Variants in PIK3C2A observed in about 807,000 individuals in gnomAD.
PIK3C2A encodes phosphatidylinositol-4-phosphate 3-kinase catalytic subunit type 2 alpha, also known as phosphatidylinositol 4-phosphate 3-kinase C2 domain-containing subunit alpha.
Under a neutral mutation model 204.5 loss-of-function variants are expected in PIK3C2A, and 97 were observed. The ratio of observed to expected loss-of-function variants is 0.47; its 90% CI spans 0.40 to 0.56. PIK3C2A has a LOEUF of 0.56. PIK3C2A is among the 20% of genes least tolerant of loss of function. The pLI is 0.00. For missense variants in PIK3C2A, 1,735 were observed against 1,969.2 expected (o/e 0.88, Z 2.25); for synonymous variants, 653 against 664.4 (o/e 0.98, Z 0.26).
At chr11:17,171,877 G>T (rs545869797) in intron 1 of PIK3C2A, among the ~76,000 whole-genome samples, 2 of 152,250 alleles carry the variant, frequency 1.3e-5, no homozygotes, top group East Asian at 3.9e-4. Context: ...GGGATTACAG[G>T]CATGATCCAC....
chr11:17,111,738 G>A (rs1590918860), intron 21 of PIK3C2A, among the ~76,000 whole-genome samples: 1 of 151,660 alleles, frequency 6.6e-6, no homozygotes, highest in Non-Finnish European at 1.5e-5. Context: ...TTAGTTGGAC[G>A]TGGTGGCACG....
chr11:17,125,199 C>T (rs1849483841), intron 13 of PIK3C2A, among the ~76,000 whole-genome samples: 1 of 152,060 alleles, frequency 6.6e-6, no homozygotes. Flanking sequence ...ACAAAAAAGG[C>T]GGCACTGATG....
intron 2 of PIK3C2A, among the ~76,000 whole-genome samples, chr11:17,160,196 A>G (rs778092495): frequency 1.3e-5 from 2 of 152,216 alleles, no homozygotes; most frequent in Non-Finnish European, 2.9e-5. Flanking sequence ...AGTAGCTTTC[A>G]ATTTAAGTAA....
chr11:17,129,852 G>T (rs1849640742), intron 12 of PIK3C2A, among the ~76,000 whole-genome samples: 1 of 152,192 alleles, frequency 6.6e-6, no homozygotes, highest in African/African-American at 2.4e-5. Flanking sequence ...CTCCCAAAGT[G>T]CTAGGATTAC....
intron 8 of PIK3C2A, among the ~76,000 whole-genome samples, chr11:17,140,559 T>C (rs1850030149): frequency 1.3e-5 from 2 of 152,096 alleles, no homozygotes; most frequent in South Asian, 4.1e-4. Flanking sequence ...TGTAAAAAAC[T>C]ACATAGTACA....
At chr11:17,119,640 G>A (rs1849310381) in intron 16 of PIK3C2A, 146 bp downstream of exon 16, 2 of 552,444 alleles carry the variant, frequency 3.6e-6, no homozygotes, top group African/African-American at 2.0e-5. Context: ...CTTCAATGCA[G>A]AAGATATGTT....
rs1218925163 is a variant in PIK3C2A at position 17,148,800 on chromosome 11, T to TA, written c.1328-14dup. ...ACAGTAGAACTCACTGTAAAAGAGTTAGTCATTATTTTCACTTTGCTCATT... is the reference window on the plus strand; with the variant it reads ...ACAGTAGAACTCACTGTAAAAGAGTTAAGTCATTATTTTCACTTTGCTCATT... On this transcript the variant is annotated splice_polypyrimidine_tract_variant and intron_variant, in intron 4 of 32. Transcript: ENST00000691414. The TA allele has an allele frequency of 6.2e-7, 1 of 1,602,192 alleles. No individual in the cohort carries two copies. The highest frequency in any genetic ancestry group is 8.5e-7 in the Non-Finnish European group (1 of 1,171,768).
rs766456144 is a variant in PIK3C2A at position 17,110,441 on chromosome 11, T to C, written c.3535A>G (p.Arg1179Gly). ...CAGCTAATAAACTTACCTCGATCTC[T>C]GCCAGTTGAGAGACATTTGAAAATT... ...MVIFKCLSTGRDRGMVELVPA... is the reference protein window; with the variant it reads ...MVIFKCLSTGGDRGMVELVPA... Residue 1179 changes from arginine (R) to glycine (G), a missense_variant, in exon 22 of 33, where the codon AGA becomes GGA. Physicochemically the swap from Arg to Gly is moderately radical, Grantham distance 125. Coordinates refer to ENST00000691414, the MANE Select transcript of PIK3C2A (RefSeq NM_002645.4). 5.0e-6 allele frequency: 8 copies of C among 1,610,388 alleles called. No individual in the cohort carries two copies. Among genetic ancestry groups the C allele is most frequent in the Admixed American group, 3.4e-5 (2 of 59,374 alleles).
chr11:17,102,191 C>T (rs1186642579), intron 24 of PIK3C2A, among the ~76,000 whole-genome samples: 1 of 152,154 alleles, frequency 6.6e-6, no homozygotes, highest in African/African-American at 2.4e-5. Context: ...AATCCCAGCA[C>T]TTTGGGAGGC....
rs991579950 is a variant in PIK3C2A, at chr11:17,093,270, GTTAT to G, written c.4451+987_4451+990del. 1.2e-4 allele frequency among the ~76,000 whole-genome samples: 18 copies of G among 152,122 alleles called. 1 individual carries two copies. Among genetic ancestry groups the G allele is most frequent in the Non-Finnish European group, 1.3e-4 (9 of 67,992 alleles). On this transcript the variant is annotated intron_variant, in intron 28 of 32. Coordinates refer to ENST00000691414, the MANE Select transcript of PIK3C2A (RefSeq NM_002645.4). ...TTGACAGTCTCGATGATGTTTGCTT[GTTAT>G]TTATTTTTTTGAGACGGAGTCTCGC... is the stretch of plus-strand genomic sequence containing the variant.
chr11:17,090,918 T>C (rs890712228), intron 32 of PIK3C2A, among the ~76,000 whole-genome samples: 1 of 151,888 alleles, frequency 6.6e-6, no homozygotes, highest in Non-Finnish European at 1.5e-5. Context: ...TTTTTTCTTT[T>C]TTTTTTTTTG....
At chr11:17,207,497 A>G (rs1050977368) in intron 1 of PIK3C2A, among the ~76,000 whole-genome samples, 2 of 152,168 alleles carry the variant, frequency 1.3e-5, no homozygotes, top group Non-Finnish European at 2.9e-5. Flanking sequence ...GTCCCGCGGG[A>G]CAAGGCGGGG....
chr11:17,127,224 T>C (rs1048234432), intron 13 of PIK3C2A, among the ~76,000 whole-genome samples: 2 of 152,052 alleles, frequency 1.3e-5, no homozygotes, highest in Non-Finnish European at 2.9e-5. Context: ...TCCACCAAAA[T>C]GTAGAGAACA....
rs557119495 is a variant in PIK3C2A at position 17,195,763 on chromosome 11, C to T, written c.-66+12085G>A. Among the ~76,000 whole-genome samples, 6 of 141,780 alleles carry T rather than the reference C, an allele frequency of 4.2e-5. No individual in the cohort carries two copies. In the South Asian group the frequency reaches 6.7e-4, roughly 16 times the overall value. 93.0% of individuals were successfully genotyped at this position (141,780 alleles called of 152,430 possible). On this transcript the variant is annotated intron_variant, in intron 1 of 32. Transcript: ENST00000691414. ...ATTGCAAAAAAAAAAAAAGGAGCCCCGCGCGCTGGCTCACGCCTGTAATCC... is the reference window on the plus strand; with the variant it reads ...ATTGCAAAAAAAAAAAAAGGAGCCCTGCGCGCTGGCTCACGCCTGTAATCC...
At chr11:17,138,617 C>T (rs987192301) in intron 8 of PIK3C2A, among the ~76,000 whole-genome samples, 1 of 152,146 alleles carries the variant, frequency 6.6e-6, no homozygotes, top group Non-Finnish European at 1.5e-5. Flanking sequence ...TATCGCTGGA[C>T]CCCTTAGAGT....
intron 1 of PIK3C2A, among the ~76,000 whole-genome samples, chr11:17,196,593 G>A (rs1252467650): frequency 2.6e-5 from 4 of 151,910 alleles, no homozygotes; most frequent in South Asian, 2.1e-4. Flanking sequence ...TTTTTGAGAC[G>A]GAGTCTTGCT....
At chr11:17,163,655 C>G (rs919335961) in intron 2 of PIK3C2A, among the ~76,000 whole-genome samples, 14 of 151,936 alleles carry the variant, frequency 9.2e-5, no homozygotes, top group Non-Finnish European at 1.8e-4. Flanking sequence ...CTCAAGCAAT[C>G]CTCCCACCTC....
chr11:17,185,282 C>G (rs1273573576), intron 1 of PIK3C2A, among the ~76,000 whole-genome samples: 1 of 152,084 alleles, frequency 6.6e-6, no homozygotes, highest in African/African-American at 2.4e-5. Context: ...AATATATGTA[C>G]AGCAATATGT....
chr11:17,091,384 G>A lies in PIK3C2A; in HGVS notation c.4828C>T (p.Arg1610Cys), dbSNP rs752644701. Residue 1610 changes from arginine to cysteine, a missense_variant, in exon 32 of 33, where the codon CGT becomes TGT. Transcript: ENST00000691414. ...GTTTTTCGTGAAATTTTGGTTTTAC[G>A]TTTGGATGTTTTGTGGTTATCTGGA... is the stretch of plus-strand genomic sequence containing the variant. ...LLPDNHKTSK[R>C]KTKISRKTRN... The A allele has an allele frequency of 3.0e-5, 48 of 1,613,700 alleles. No homozygotes were observed. The South Asian group carries it at 5.2e-4, about 17-fold the overall frequency.
Sources: gnomAD v4.1 joint callset for allele counts (sites outside exome capture counted in the v4.1 genomes callset) on GRCh38, gnomAD v4.1.1 for gene constraint, MANE v1.5 for transcripts, NCBI Gene and HGNC (gene_info 2026-07-23, HGNC 2026-07-21) for gene names.